The following CHSY3 variants were observed in gnomAD, a reference collection of about 807,000 sequenced individuals.
CHSY3 encodes the protein chondroitin sulfate synthase 3, also known as N-acetylgalactosaminyl-proteoglycan 3-beta-glucuronosyltransferase 3.
In CHSY3, 35 loss-of-function variants were observed where a neutral mutation model predicts 67.2. That is an observed-to-expected ratio of 0.52 (90% CI 0.40 to 0.69). The LOEUF (loss-of-function observed/expected upper bound fraction) is 0.69, where lower values mean the gene tolerates loss of function less well. CHSY3 is among the 30% of genes least tolerant of loss of function. CHSY3 has a pLI of 0.00. For missense variants in CHSY3, 1,069 were observed against 1,138.5 expected (o/e 0.94, Z 0.88); for synonymous variants, 474 against 434.7 (o/e 1.09, Z -1.12).
chr5:130,180,332 T>C (rs1004070341), intron 2 of CHSY3, among the ~76,000 whole-genome samples: 1 of 152,196 alleles, frequency 6.6e-6, no homozygotes, highest in African/African-American at 2.4e-5. Flanking sequence ...TTTTATTCCC[T>C]ATTGTTTTCT....
At chr5:129,958,869 AT>A (rs966139085) in intron 2 of CHSY3, among the ~76,000 whole-genome samples, 1 of 151,852 alleles carries the variant, frequency 6.6e-6, no homozygotes, top group Non-Finnish European at 1.5e-5. Context: ...CAGAGAAGCA[AT>A]TTTTTTTAGA....
intron 2 of CHSY3, among the ~76,000 whole-genome samples, chr5:130,146,678 A>G (rs1769083921): frequency 6.6e-6 from 1 of 152,184 alleles, no homozygotes; most frequent in Non-Finnish European, 1.5e-5. Context: ...TACTAAATAC[A>G]CTGATTTCAT....
chr5:129,932,252 A>C (rs1007644519), intron 2 of CHSY3, among the ~76,000 whole-genome samples: 8 of 151,548 alleles, frequency 5.3e-5, no homozygotes, highest in Non-Finnish European at 1.0e-4. Flanking sequence ...GACAGGCTGA[A>C]AGATGGGAAA....
At chr5:129,967,970 G>T (rs1318861476) in intron 2 of CHSY3, among the ~76,000 whole-genome samples, 2 of 151,684 alleles carry the variant, frequency 1.3e-5, no homozygotes, top group Admixed American at 6.6e-5. Context: ...ATAAGCTACA[G>T]ATCCATTTTT....
In CHSY3 at chr5:130,185,675, A is replaced by G; in HGVS notation, c.2533A>G (p.Lys845Glu). 1.2e-6 allele frequency: 2 copies of G among 1,614,014 alleles called. No individual in the cohort carries two copies. Among genetic ancestry groups the G allele is most frequent in the African/African-American group, 2.7e-5 (2 of 75,016 alleles). Residue 845 changes from lysine to glutamate, a missense_variant, in exon 3 of 3, where the codon AAG becomes GAG. Lys to Glu is a moderately conservative substitution (Grantham distance 56, BLOSUM62 1). Around this residue, in one of 5 missense-constraint regions of CHSY3, gnomAD observed 139 missense variants for 152.8 expected, o/e 0.91. Transcript: ENST00000305031. ...PVHCDPNLDP[K>E]QYKMCLGSKA... ...TCATTGTGATCCTAACTTGGACCCT[A>G]AGCAGTATAAGATGTGCTTAGGATC...
intron 2 of CHSY3, among the ~76,000 whole-genome samples, chr5:129,999,680 G>A (rs1175830076): frequency 6.6e-6 from 1 of 152,014 alleles, no homozygotes; most frequent in Non-Finnish European, 1.5e-5. Flanking sequence ...TCAGTTTCCT[G>A]AACACACCAT....
chr5:130,159,365 A>G (rs1458522666), intron 2 of CHSY3, among the ~76,000 whole-genome samples: 1 of 151,040 alleles, frequency 6.6e-6, no homozygotes, highest in African/African-American at 2.4e-5. Context: ...GGGTTTCACC[A>G]TGTTGCCCAG....
intron 2 of CHSY3, among the ~76,000 whole-genome samples, chr5:130,142,463 G>A (rs1457428044): frequency 6.6e-6 from 1 of 152,064 alleles, no homozygotes; most frequent in Non-Finnish European, 1.5e-5. Flanking sequence ...TTTTGGAAAT[G>A]TTGCTTTTAG....
intron 2 of CHSY3, among the ~76,000 whole-genome samples, chr5:129,966,455 G>A (rs190357656): frequency 6.6e-6 from 1 of 151,672 alleles, no homozygotes; most frequent in Non-Finnish European, 1.5e-5. Flanking sequence ...GAAAATGGGG[G>A]CAATGTAAGA....
chr5:129,979,117 G>A (rs970650661), intron 2 of CHSY3, among the ~76,000 whole-genome samples: 2 of 147,876 alleles, frequency 1.4e-5, no homozygotes, highest in African/African-American at 2.5e-5. Context: ...GGAGAATAGC[G>A]TGAACCTGGG....
chr5:130,149,449 G>C (rs372302659), intron 2 of CHSY3, among the ~76,000 whole-genome samples: 5 of 152,060 alleles, frequency 3.3e-5, no homozygotes, highest in Non-Finnish European at 1.5e-5. Flanking sequence ...AATGGGGGAC[G>C]GGAGGTGCCA....
intron 2 of CHSY3, among the ~76,000 whole-genome samples, chr5:129,991,278 C>T (rs1055670503): frequency 9.9e-5 from 15 of 151,750 alleles, no homozygotes; most frequent in Admixed American, 8.6e-4. Context: ...GTAGTAATCT[C>T]GATGAGAGAT....
intron 2 of CHSY3, among the ~76,000 whole-genome samples, chr5:130,167,908 C>A (rs1004246676): frequency 1.2e-4 from 18 of 151,984 alleles, no homozygotes; most frequent in Non-Finnish European, 1.9e-4. Context: ...TCTCCTTTTC[C>A]TAGAAGAAAA....
At chr5:129,915,428 G>T (rs1760701519) in intron 2 of CHSY3, among the ~76,000 whole-genome samples, 1 of 152,142 alleles carries the variant, frequency 6.6e-6, no homozygotes. Context: ...CTCTGTCTTA[G>T]AAAGTGTATA....
intron 2 of CHSY3, among the ~76,000 whole-genome samples, chr5:130,180,964 C>T (rs201139611): frequency 1.2e-4 from 19 of 152,278 alleles, no homozygotes; most frequent in South Asian, 2.1e-4. Context: ...AAGTTTAATG[C>T]GGTAGAAGAG....
intron 2 of CHSY3, among the ~76,000 whole-genome samples, chr5:130,063,758 C>A (rs935527231): frequency 3.3e-4 from 50 of 152,178 alleles, no homozygotes; most frequent in Middle Eastern, 3.4e-3. Context: ...GGCCTTCTTG[C>A]AGCATCCTCA....
chr5:130,142,540 A>G (rs943514424), intron 2 of CHSY3, among the ~76,000 whole-genome samples: 4 of 152,230 alleles, frequency 2.6e-5, no homozygotes, highest in Non-Finnish European at 4.4e-5. Flanking sequence ...TAAGGCATCA[A>G]AATCAATCTC....
chr5:129,938,564 A>C (rs938124927), intron 2 of CHSY3, among the ~76,000 whole-genome samples: 1 of 152,200 alleles, frequency 6.6e-6, no homozygotes, highest in African/African-American at 2.4e-5. Context: ...GCCAGGCCAC[A>C]TCGTGAACAC....
intron 2 of CHSY3, among the ~76,000 whole-genome samples, chr5:129,989,921 C>A (rs1763311219): frequency 6.6e-6 from 1 of 152,104 alleles, no homozygotes; most frequent in Non-Finnish European, 1.5e-5. Flanking sequence ...GTCATACAAG[C>A]AATATAGGTA....
Sources: gnomAD v4.1 joint callset for allele counts (sites outside exome capture counted in the v4.1 genomes callset) on GRCh38, gnomAD v4.1.1 for gene constraint, gnomAD v4.1.1 regional missense constraint, MANE v1.5 for transcripts, NCBI Gene and HGNC (gene_info 2026-07-23, HGNC 2026-07-21) for gene names.